The following TGFB1I1 variants were observed in gnomAD, a reference collection of about 807,000 sequenced individuals.
TGFB1I1 encodes the protein transforming growth factor beta-1-induced transcript 1 protein.
TGFB1I1 carries 33 observed loss-of-function variants against 52.0 expected under a neutral mutation model. That is an observed-to-expected ratio of 0.63 (90% confidence interval 0.48 to 0.85). The LOEUF (loss-of-function observed/expected upper bound fraction) is 0.85, where lower values mean the gene tolerates loss of function less well. TGFB1I1 is among the 40% of genes least tolerant of loss of function. The pLI is 0.00. For missense variants in TGFB1I1, 577 were observed against 614.9 expected (o/e 0.94, Z 0.65); for synonymous variants, 236 against 253.3 (o/e 0.93, Z 0.65).
At chr16:31,472,925 T>C (rs1449137360) in intron 1 of TGFB1I1, 1 of 153,092 alleles carries the variant, frequency 6.5e-6, no homozygotes, top group African/African-American at 2.4e-5. Flanking sequence ...TAGAGGGCGC[T>C]GCTCGGTAGG....
chr16:31,477,670 G>T lies in TGFB1I1; in HGVS notation c.*94G>T. 1 of 1,443,724 alleles carries T rather than the reference G, an allele frequency of 6.9e-7. No individual in the cohort carries two copies. The highest frequency in any genetic ancestry group is 9.1e-7 in the Non-Finnish European group (1 of 1,096,900). The allele number at this position is 1,443,724 out of a possible 1,614,324, so 89.4% of individuals were successfully genotyped here. On this transcript the variant is annotated 3_prime_UTR_variant, in exon 11 of 11. Transcript: ENST00000394863. This position sits in a 1 kb window ranked among gnomAD's most constrained non-coding sequence, Gnocchi z 4.7. Reference sequence around the variant, plus strand: ...CGAGGCCTTGCTCTCAGAGCGGGAGGCCCCACCCACTGGAGAGCCCCGCCC... The same window carrying T: ...CGAGGCCTTGCTCTCAGAGCGGGAGTCCCCACCCACTGGAGAGCCCCGCCC...
intron 1 of TGFB1I1, 53 bp downstream of exon 1, chr16:31,472,254 G>A: frequency 2.1e-6 from 3 of 1,430,348 alleles, no homozygotes; most frequent in South Asian, 2.9e-5. Context: ...GCCCAGAGCT[G>A]CCTCCCCGCC....
Position 31,476,630 on chromosome 16 carries a change from G to A in TGFB1I1, c.970+68G>A, listed in dbSNP as rs995854887. 8.5e-6 allele frequency: 13 copies of A among 1,528,486 alleles called. No individual in the cohort carries two copies. In the African/African-American group the frequency reaches 1.5e-4, roughly 18 times the overall value. 94.7% of individuals were successfully genotyped at this position (1,528,486 alleles called of 1,614,324 possible). ...CTCGACGTCTCGCCCCAGCCCCTCC[G>A]ACCTCCGGAGTCCTCAGGGCCATGG... On this transcript the variant is annotated intron_variant, in intron 9 of 10. Transcript: ENST00000394863. This position sits in a 1 kb window ranked among gnomAD's most constrained non-coding sequence, Gnocchi z 7.6.
chr16:31,477,105 G>C lies in TGFB1I1; in HGVS notation c.1119+95G>C. 1 of 1,400,872 alleles carries C rather than the reference G, an allele frequency of 7.1e-7. No homozygotes were observed. The highest frequency in any genetic ancestry group is 9.5e-7 in the Non-Finnish European group (1 of 1,056,668). The allele number at this position is 1,400,872 out of a possible 1,614,324, so 86.8% of individuals were successfully genotyped here. ...GGGGCGGGTCAAGGGTGCAGGGCAG[G>C]GGGCGGGCCCTCGGGGGGGCGGGTC... On this transcript the variant is annotated intron_variant, in intron 10 of 10. Coordinates refer to ENST00000394863, the MANE Select transcript of TGFB1I1 (RefSeq NM_001042454.3). The surrounding 1 kb of genome is among the most constrained non-coding windows in gnomAD (Gnocchi z 4.7).
chr16:31,476,696 A>G lies in TGFB1I1; in HGVS notation c.970+134A>G. ...CTTCTGGCCCTGCCCTCTCCTACACAGACTCCGGACCCGAGCCCTCCCCGC... is the reference window on the plus strand; with the variant it reads ...CTTCTGGCCCTGCCCTCTCCTACACGGACTCCGGACCCGAGCCCTCCCCGC... On this transcript the variant is annotated intron_variant, in intron 9 of 10. Coordinates refer to ENST00000394863, the MANE Select transcript of TGFB1I1 (RefSeq NM_001042454.3). This position sits in a 1 kb window ranked among gnomAD's most constrained non-coding sequence, Gnocchi z 7.6. 1 of 1,436,632 alleles carries G rather than the reference A, an allele frequency of 7.0e-7. No homozygotes were observed. Among genetic ancestry groups the G allele is most frequent in the East Asian group, 2.5e-5 (1 of 40,328 alleles). 89.0% of individuals were successfully genotyped at this position (1,436,632 alleles called of 1,614,324 possible).
chr16:31,474,308 G>A lies in TGFB1I1; in HGVS notation c.414-42G>A. ...TATCTGAGTCACTAGAGGGAGCGTT[G>A]CTCTGGGAGGCTCTGAGATGACACA... On this transcript the variant is annotated intron_variant, in intron 5 of 10. Transcript: ENST00000394863. This position sits in a 1 kb window ranked among gnomAD's most constrained non-coding sequence, Gnocchi z 4.2. 1 of 1,613,812 alleles carries A rather than the reference G, an allele frequency of 6.2e-7. No homozygotes were observed. Among genetic ancestry groups the A allele is most frequent in the Non-Finnish European group, 8.5e-7 (1 of 1,179,762 alleles).
At position 31,476,098 on chromosome 16, in the gene TGFB1I1, C is replaced by T; in HGVS notation, c.801C>T (p.Phe267=). The T allele has an allele frequency of 6.2e-6, 10 of 1,613,918 alleles. No homozygotes were observed. Among genetic ancestry groups the T allele is most frequent in the South Asian group, 4.4e-5 (4 of 91,080 alleles). ...CSTALGGSSF[F]EKDGAPFCPE... The stretch of plus-strand genomic sequence containing the variant: ...CCGCCCTGGGAGGCAGCAGCTTCTT[C>T]GAGAAGGATGGAGCCCCCTTCTGCC... Residue 267 remains phenylalanine, a synonymous_variant, in exon 8 of 11, where the codon TTC becomes TTT. Coordinates refer to ENST00000394863, the MANE Select transcript of TGFB1I1 (RefSeq NM_001042454.3). This position sits in a 1 kb window ranked among gnomAD's most constrained non-coding sequence, Gnocchi z 7.6.
chr16:31,473,388 C>A, intron 1 of TGFB1I1, 53 bp from the exon 2 acceptor site: 2 of 1,577,292 alleles, frequency 1.3e-6, no homozygotes, highest in Non-Finnish European at 1.7e-6. Flanking sequence ...GGAACCTTAT[C>A]TTCTGATCTA....
Position 31,477,155 on chromosome 16 carries a change from G to C in TGFB1I1, c.1119+145G>C. 1.4e-6 allele frequency: 2 copies of C among 1,419,138 alleles called. No individual in the cohort carries two copies. Among genetic ancestry groups the C allele is most frequent in the Non-Finnish European group, 1.9e-6 (2 of 1,066,474 alleles). 87.9% of individuals were successfully genotyped at this position (1,419,138 alleles called of 1,614,324 possible). A position where few individuals can be genotyped will look rare whatever the true frequency, so the allele number is the denominator to read the frequency against. On this transcript the variant is annotated intron_variant, in intron 10 of 10. Coordinates refer to ENST00000394863, the MANE Select transcript of TGFB1I1 (RefSeq NM_001042454.3). This position sits in a 1 kb window ranked among gnomAD's most constrained non-coding sequence, Gnocchi z 4.7. ...CACGGGAGGTGCTGCTAGGAACCTC[G>C]GGTGGGGCGAGTTTTCCGGGCAGGG...
chr16:31,477,588 G>A lies in TGFB1I1; in HGVS notation c.*12G>A, dbSNP rs754407585. 5 of 1,590,120 alleles carry A rather than the reference G, an allele frequency of 3.1e-6. No individual in the cohort carries two copies. Among genetic ancestry groups the A allele is most frequent in the Non-Finnish European group, 1.7e-6 (2 of 1,169,614 alleles). ...AGCTCTTCGGCTGACAGCCCGCTCG[G>A]CTCGCCCTCTCCCCCGGAGGCCGCG... On this transcript the variant is annotated 3_prime_UTR_variant, in exon 11 of 11. Coordinates refer to ENST00000394863, the MANE Select transcript of TGFB1I1 (RefSeq NM_001042454.3). This position sits in a 1 kb window ranked among gnomAD's most constrained non-coding sequence, Gnocchi z 4.7.
Position 31,476,991 on chromosome 16 carries a change from C to T in TGFB1I1, c.1100C>T (p.Pro367Leu). ...TCGGCGCTCAGCGCGCTCTGGCACC[C>T]GGACTGTTTCGTCTGCAGGGTGCGA... ...YISALSALWH[P>L]DCFVCRECFA... The change falls in exon 10 of 11, where the codon CCG becomes CTG. Residue 367 changes from proline to leucine, a missense_variant. Pro to Leu is a moderately conservative substitution (Grantham distance 98, BLOSUM62 -3). This residue lies in a region of TGFB1I1 where 456 missense variants were observed against 461.6 expected (regional missense o/e 0.99). Transcript: ENST00000394863. This position sits in a 1 kb window ranked among gnomAD's most constrained non-coding sequence, Gnocchi z 7.6. 1 of 1,586,398 alleles carries T rather than the reference C, an allele frequency of 6.3e-7. No individual in the cohort carries two copies. Among genetic ancestry groups the T allele is most frequent in the Non-Finnish European group, 8.5e-7 (1 of 1,172,476 alleles).
rs370214642 is a variant in TGFB1I1 at position 31,476,074 on chromosome 16, C to T, written c.777C>T (p.Thr259=). ...PEHFVCGGCS[T]ALGGSSFFEK... Reference sequence around the variant, plus strand: ...ACTTCGTTTGCGGAGGCTGTTCCACCGCCCTGGGAGGCAGCAGCTTCTTCG... The same window carrying T: ...ACTTCGTTTGCGGAGGCTGTTCCACTGCCCTGGGAGGCAGCAGCTTCTTCG... The change falls in exon 8 of 11, where the codon ACC becomes ACT. Residue 259 remains threonine, a synonymous_variant. Coordinates refer to ENST00000394863, the MANE Select transcript of TGFB1I1 (RefSeq NM_001042454.3). This position sits in a 1 kb window ranked among gnomAD's most constrained non-coding sequence, Gnocchi z 7.6. The T allele has an allele frequency of 1.6e-4, 257 of 1,613,796 alleles. 1 individual carries two copies. Among genetic ancestry groups the T allele is most frequent in the Non-Finnish European group, 1.6e-4 (190 of 1,179,986 alleles).
chr16:31,472,863 G>T (rs938690219), intron 1 of TGFB1I1: 2 of 152,588 alleles, frequency 1.3e-5, no homozygotes, highest in African/African-American at 4.8e-5. Context: ...CGAAGCCTGG[G>T]GCTGGAAGGC....
At chr16:31,475,943 C>A in intron 7 of TGFB1I1, 69 bp from the exon 8 acceptor site, 1 of 1,520,232 alleles carries the variant, frequency 6.6e-7, no homozygotes, top group South Asian at 1.2e-5. Context: ...AAAAACGCCG[C>A]GTAAATCTTG....
In TGFB1I1 at chr16:31,476,748, C is replaced by A; in HGVS notation, c.971-114C>A. ...CTGTCCCGCCATAGACCCGGCTCCT[C>A]CTTCCCCAAGGCTCCCTCGGACTGC... On this transcript the variant is annotated intron_variant, in intron 9 of 10. Coordinates refer to ENST00000394863, the MANE Select transcript of TGFB1I1 (RefSeq NM_001042454.3). This position sits in a 1 kb window ranked among gnomAD's most constrained non-coding sequence, Gnocchi z 7.6. 1.3e-6 allele frequency: 2 copies of A among 1,536,792 alleles called. No homozygotes were observed. The highest frequency in any genetic ancestry group is 1.8e-6 in the Non-Finnish European group (2 of 1,140,096).
chr16:31,475,897 C>G, intron 7 of TGFB1I1, 115 bp from the exon 8 acceptor site: 1 of 1,164,288 alleles, frequency 8.6e-7, no homozygotes, highest in African/African-American at 1.5e-5. Flanking sequence ...ATCTCGAACA[C>G]TGGATTCTTT....
intron 1 of TGFB1I1, 59 bp from the exon 2 acceptor site, chr16:31,473,382 C>A (rs1455918824): frequency 1.9e-6 from 3 of 1,563,934 alleles, no homozygotes; most frequent in South Asian, 1.1e-5. Context: ...CCACTGGGAA[C>A]CTTATCTTCT....
chr16:31,476,979 C>G lies in TGFB1I1; in HGVS notation c.1088C>G (p.Ala363Gly). The G allele has an allele frequency of 6.3e-7, 1 of 1,594,070 alleles. No homozygotes were observed. Among genetic ancestry groups the G allele is most frequent in the Non-Finnish European group, 8.5e-7 (1 of 1,175,774 alleles). The stretch of plus-strand genomic sequence containing the variant: ...GATAACTACATCTCGGCGCTCAGCG[C>G]GCTCTGGCACCCGGACTGTTTCGTC... The part of the protein sequence containing the change: ...ILDNYISALS[A>G]LWHPDCFVCR... Residue 363 changes from alanine (A) to glycine (G), a missense_variant, in exon 10 of 11, where the codon GCG (alanine) becomes GGG (glycine). This residue lies in a region of TGFB1I1 where 456 missense variants were observed against 461.6 expected (regional missense o/e 0.99). Transcript: ENST00000394863. This position sits in a 1 kb window ranked among gnomAD's most constrained non-coding sequence, Gnocchi z 7.6.
Position 31,476,410 on chromosome 16 carries a change from C to G in TGFB1I1, c.889-71C>G. 6.7e-7 allele frequency: 1 copy of G among 1,492,428 alleles called. No individual in the cohort carries two copies. The highest frequency in any genetic ancestry group is 9.2e-7 in the Non-Finnish European group (1 of 1,089,806). The allele number at this position is 1,492,428 out of a possible 1,614,324, so 92.4% of individuals were successfully genotyped here. A position where few individuals can be genotyped will look rare whatever the true frequency, so the allele number is the denominator to read the frequency against. ...CCCACGCATGCCTTAGTCCAGTCAC[C>G]CGGGTTCCGCGCGGGAGAGGAAGGC... On this transcript the variant is annotated intron_variant, in intron 8 of 10. Coordinates refer to ENST00000394863, the MANE Select transcript of TGFB1I1 (RefSeq NM_001042454.3). This position sits in a 1 kb window ranked among gnomAD's most constrained non-coding sequence, Gnocchi z 7.6.
Sources: gnomAD v4.1 joint callset for allele counts on GRCh38, gnomAD v4.1.1 for gene constraint, gnomAD v4.1.1 regional missense constraint, Gnocchi (gnomAD v3.1) non-coding constraint, MANE v1.5 for transcripts, NCBI Gene and HGNC (gene_info 2026-07-23, HGNC 2026-07-21) for gene names.